Variants in NOSTRIN observed in about 807,000 individuals in gnomAD.
NOSTRIN encodes the protein BM247 homolog.
In NOSTRIN, 63 loss-of-function variants were observed where a neutral mutation model predicts 59.0. That is an observed-to-expected ratio of 1.07 (90% CI 0.87 to 1.32). The LOEUF (loss-of-function observed/expected upper bound fraction) is 1.32. NOSTRIN is among the 40% of genes most tolerant of loss of function. The probability of loss-of-function intolerance (pLI) is 0.00; values close to 1 mark genes in which losing one functional copy is unlikely to be tolerated. For missense variants in NOSTRIN, 512 were observed against 473.1 expected (o/e 1.08, Z -0.76); for synonymous variants, 200 against 165.4 (o/e 1.21, Z -1.61).
intron 2 of NOSTRIN, among the ~76,000 whole-genome samples, chr2:168,788,892 A>AAGATAGATAGATAGATAGAT (rs4000833): frequency 1.3e-5 from 2 of 148,282 alleles, no homozygotes; most frequent in Admixed American, 1.3e-4. Flanking sequence ...CACAGATAAA[A>AAGATAGATAGATAGATAGAT]AGATAGATAG....
At chr2:168,790,199 G>A (rs1347563459) in intron 2 of NOSTRIN, among the ~76,000 whole-genome samples, 1 of 152,156 alleles carries the variant, frequency 6.6e-6, no homozygotes, top group African/African-American at 2.4e-5. Flanking sequence ...ATAATAACAT[G>A]CTATGGCAAC....
chr2:168,792,161 A>T (rs1390494442), intron 2 of NOSTRIN, among the ~76,000 whole-genome samples: 1 of 151,980 alleles, frequency 6.6e-6, no homozygotes, highest in Non-Finnish European at 1.5e-5. Context: ...AATTTTTGTA[A>T]ATATATTTGT....
At chr2:168,859,406 C>A in intron 12 of NOSTRIN, 106 bp from the exon 13 acceptor site, 1 of 1,489,606 alleles carries the variant, frequency 6.7e-7, no homozygotes, top group Non-Finnish European at 9.0e-7. Flanking sequence ...GAGTTAAATG[C>A]GTACTTTTCT....
At chr2:168,804,299 G>C (rs908938602) in intron 1 of NOSTRIN, among the ~76,000 whole-genome samples, 1 of 152,110 alleles carries the variant, frequency 6.6e-6, no homozygotes, top group African/African-American at 2.4e-5. Flanking sequence ...AAGGACTCCT[G>C]TCCTTGTCTA....
Position 168,856,724 on chromosome 2 carries a change from C to T in NOSTRIN, c.999C>T (p.Thr333=). ...LERMLKTYSS[T]SSFSDAKSQK... Reference sequence around the variant, plus strand: ...GAATGCTTAAAACGTACTCCAGCACCTCCTCCTTCTCTGATGCAAAGAGCC... The same window carrying T: ...GAATGCTTAAAACGTACTCCAGCACTTCCTCCTTCTCTGATGCAAAGAGCC... The change falls in exon 12 of 16, where the codon ACC becomes ACT. Residue 333 remains threonine, a synonymous_variant. Coordinates refer to ENST00000317647, the MANE Select transcript of NOSTRIN (RefSeq NM_001039724.4). 3 of 1,614,108 alleles carry T rather than the reference C, an allele frequency of 1.9e-6. No individual in the cohort carries two copies. The highest frequency in any genetic ancestry group is 2.5e-6 in the Non-Finnish European group (3 of 1,180,006).
At chr2:168,844,864 C>T (rs1274906997) in intron 8 of NOSTRIN, among the ~76,000 whole-genome samples, 4 of 129,824 alleles carry the variant, frequency 3.1e-5, no homozygotes, top group South Asian at 5.9e-4. Context: ...AGCAAGACTC[C>T]GTCTCAAAAA....
chr2:168,829,655 C>T (rs535124985), intron 5 of NOSTRIN, among the ~76,000 whole-genome samples: 3 of 152,200 alleles, frequency 2.0e-5, no homozygotes, highest in African/African-American at 4.8e-5. Flanking sequence ...TTTTCTTTTT[C>T]GTTGTGTATT....
upstream of NOSTRIN, chr2:168,802,634 G>T: frequency 1.2e-6 from 1 of 868,440 alleles, no homozygotes; most frequent in South Asian, 1.3e-5. Context: ...ACAAAAGCCA[G>T]ACACATTTCA....
chr2:168,802,672 C>G lies in NOSTRIN; in HGVS notation c.26C>G (p.Pro9Arg). The G allele has an allele frequency of 1.2e-6, 1 of 869,288 alleles. No individual in the cohort carries two copies. The highest frequency in any genetic ancestry group is 2.0e-6 in the Non-Finnish European group (1 of 500,644). 53.8% of individuals were successfully genotyped at this position (869,288 alleles called of 1,614,324 possible). The change falls in exon 1 of 16, where the codon CCG becomes CGG. Residue 9 changes from proline (P) to arginine (R), a missense_variant and splice_region_variant. Transcript: ENST00000317647. MRDPLTDC[P>R]YNKVYKNLKE... ...ATGAGGGACCCACTGACAGATTGTCCGGTGAGTAGCTCAGTGTGGTTTGTG... is the reference window on the plus strand; with the variant it reads ...ATGAGGGACCCACTGACAGATTGTCGGGTGAGTAGCTCAGTGTGGTTTGTG...
In NOSTRIN at chr2:168,851,087, A is replaced by G. The variant is rs778729955; in HGVS notation, c.634A>G (p.Ile212Val). ...CCCCAATTTTCATTCTTTTCAGAGC[A>G]TTCTGGAGCTGGAGAAGGAAAGAAT... is the stretch of plus-strand genomic sequence containing the variant. Reference protein sequence around the residue: ...ENTLENCYQSILELEKERIQL... With the variant: ...ENTLENCYQSVLELEKERIQL... Residue 212 changes from isoleucine to valine, a missense_variant, in exon 9 of 16, where the codon ATT becomes GTT. Ile to Val is a conservative substitution (Grantham distance 29). Transcript: ENST00000317647. 15 of 1,492,682 alleles carry G rather than the reference A, an allele frequency of 1.0e-5. No homozygotes were observed. Among genetic ancestry groups the G allele is most frequent in the African/African-American group, 4.1e-5 (3 of 72,536 alleles). The allele number at this position is 1,492,682 out of a possible 1,614,324, so 92.5% of individuals were successfully genotyped here.
chr2:168,863,585 C>G, intron 15 of NOSTRIN: 2 of 985,094 alleles, frequency 2.0e-6, no homozygotes, highest in Non-Finnish European at 2.4e-6. Flanking sequence ...AATATTGTCT[C>G]CAAATTGATG....
chr2:168,839,987 T>C (rs1687977695), intron 7 of NOSTRIN, among the ~76,000 whole-genome samples: 1 of 151,332 alleles, frequency 6.6e-6, no homozygotes, highest in African/African-American at 2.4e-5. Flanking sequence ...CTATCTGCTG[T>C]AAATTTGCTG....
Position 168,865,018 on chromosome 2 carries a change from A to G in NOSTRIN, c.*48A>G. On this transcript the variant is annotated 3_prime_UTR_variant, in exon 16 of 16. Coordinates refer to ENST00000317647, the MANE Select transcript of NOSTRIN (RefSeq NM_001039724.4). ...CTTCACACTCGGTAATCAACAATAC[A>G]GTGTGGTTCAAATAAGAATAAAGTG... 1 of 1,592,264 alleles carries G rather than the reference A, an allele frequency of 6.3e-7. No homozygotes were observed. Among genetic ancestry groups the G allele is most frequent in the African/African-American group, 1.3e-5 (1 of 74,122 alleles).
chr2:168,815,182 G>A (rs990356995), intron 2 of NOSTRIN, among the ~76,000 whole-genome samples: 8 of 152,148 alleles, frequency 5.3e-5, no homozygotes, highest in African/African-American at 1.9e-4. Context: ...TGATAGAAAA[G>A]TACAGTTGTT....
chr2:168,863,321 T>A, intron 15 of NOSTRIN: 1 of 805,720 alleles, frequency 1.2e-6, no homozygotes, highest in Non-Finnish European at 1.5e-6. Context: ...TAGTGATTTA[T>A]GACTAAGAAA....
upstream of NOSTRIN, among the ~76,000 whole-genome samples, chr2:168,796,915 C>T (rs1039021857): frequency 1.3e-5 from 2 of 151,982 alleles, no homozygotes; most frequent in Non-Finnish European, 2.9e-5. Flanking sequence ...GAGAAACTTG[C>T]GAATGAAGTC....
chr2:168,834,476 A>C, intron 7 of NOSTRIN, 151 bp downstream of exon 7: 1 of 523,746 alleles, frequency 1.9e-6, no homozygotes. Flanking sequence ...GGGGATTCCA[A>C]ATCATTACTG....
At chr2:168,804,164 A>T (rs1187031720) in intron 1 of NOSTRIN, among the ~76,000 whole-genome samples, 1 of 152,246 alleles carries the variant, frequency 6.6e-6, no homozygotes, top group Non-Finnish European at 1.5e-5. Flanking sequence ...AGCAAAGTCA[A>T]GTCTTCAGAC....
rs1212371040 is a variant in NOSTRIN at position 168,864,760 on chromosome 2, T to A, written c.1385-74T>A. On this transcript the variant is annotated intron_variant, in intron 15 of 15. Coordinates refer to ENST00000317647, the MANE Select transcript of NOSTRIN (RefSeq NM_001039724.4). ...GTAAATCCTTGAAGCAGAACCTCCT[T>A]AAAACTCTTATCAATCGGGCTGAGG... is the stretch of plus-strand genomic sequence containing the variant. 3 of 1,561,102 alleles carry A rather than the reference T, an allele frequency of 1.9e-6. No homozygotes were observed. The African/African-American group carries it at 4.1e-5, about 21-fold the overall frequency.
Sources: gnomAD v4.1 joint callset for allele counts (sites outside exome capture counted in the v4.1 genomes callset) on GRCh38, gnomAD v4.1.1 for gene constraint, MANE v1.5 for transcripts, NCBI Gene and HGNC (gene_info 2026-07-23, HGNC 2026-07-21) for gene names.